UNC79: variants seen among roughly 807,000 people sequenced by gnomAD.
The protein encoded by UNC79 is protein unc-79 homolog.
A neutral mutation model predicts 283.1 loss-of-function variants in UNC79; 37 were observed. That is an observed-to-expected ratio of 0.13 (90% confidence interval 0.10 to 0.17). UNC79 has a LOEUF of 0.17. UNC79 is among the 10% of genes least tolerant of loss of function. UNC79 has a pLI of 1.00. For synonymous variants in UNC79, 1,107 were observed against 1,200.2 expected, an observed-to-expected ratio of 0.92 and a Z score of 1.61; for missense variants, 2,272 against 3,211.1, an observed-to-expected ratio of 0.71 and a Z score of 7.07.
At chr14:93,534,168 G>C (rs951978600) in intron 11 of UNC79, among the ~76,000 whole-genome samples, 6 of 152,188 alleles carry the variant, frequency 3.9e-5, no homozygotes, top group Admixed American at 2.0e-4. Context: ...CAGTTCCTCT[G>C]TCTCCAGGAA....
intron 42 of UNC79, among the ~76,000 whole-genome samples, 178 bp from the exon 46 acceptor site, chr14:93,686,394 A>G (rs547567176): frequency 6.6e-6 from 1 of 152,298 alleles, no homozygotes; most frequent in African/African-American, 2.4e-5. Context: ...CAAACCTTCT[A>G]TCAATTTTTG....
rs150574958 is a variant in UNC79 at position 93,470,211 on chromosome 14, G to A, written c.143+2420G>A. 5.7e-3 allele frequency among the ~76,000 whole-genome samples: 861 copies of A among 152,200 alleles called. 4 individuals are homozygous for A. Among genetic ancestry groups the A allele is most frequent in the Non-Finnish European group, 9.6e-3 (655 of 68,012 alleles). On this transcript the variant is annotated intron_variant, in intron 2 of 48. Transcript: ENST00000555664. ...TTAAAATATGCAACTTGAAATTTCAGCAGCTTCACTTGAGTCAGGGTTGCA... is the reference window on the plus strand; with the variant it reads ...TTAAAATATGCAACTTGAAATTTCAACAGCTTCACTTGAGTCAGGGTTGCA...
chr14:93,647,470 A>T (rs533138877), intron 35 of UNC79, among the ~76,000 whole-genome samples: 11 of 152,354 alleles, frequency 7.2e-5, no homozygotes, highest in African/African-American at 2.6e-4. Context: ...CAAAACATGA[A>T]TAAAGTGAGA....
At chr14:93,677,407 T>A (rs1270819314) in intron 41 of UNC79, among the ~76,000 whole-genome samples, 1 of 152,212 alleles carries the variant, frequency 6.6e-6, no homozygotes, top group Non-Finnish European at 1.5e-5. Flanking sequence ...AGCAAATTCA[T>A]GTCTTACATG....
At chr14:93,353,721 G>A (rs936856159) in intron 1 of UNC79, among the ~76,000 whole-genome samples, 3 of 152,178 alleles carry the variant, frequency 2.0e-5, no homozygotes, top group African/African-American at 7.2e-5. Flanking sequence ...TTCTTCCTGT[G>A]CATTGAGTGA....
intron 47 of UNC79, among the ~76,000 whole-genome samples, chr14:93,704,248 G>C (rs2075722299): frequency 6.6e-6 from 1 of 152,254 alleles, no homozygotes; most frequent in Admixed American, 6.5e-5. Flanking sequence ...CAGGCAAATA[G>C]AGTCGCCATT....
At chr14:93,651,261 A>G (rs769326832) in intron 35 of UNC79, among the ~76,000 whole-genome samples, 2 of 152,154 alleles carry the variant, frequency 1.3e-5, no homozygotes, top group African/African-American at 4.8e-5. Context: ...ATTGGTTTGG[A>G]TCTCTACATT....
intron 7 of UNC79, among the ~76,000 whole-genome samples, chr14:93,514,379 G>C (rs1221574183): frequency 6.6e-6 from 1 of 152,176 alleles, no homozygotes; most frequent in Admixed American, 6.5e-5. Context: ...TGACCTATCT[G>C]TTACAAACTA....
intron 14 of UNC79, among the ~76,000 whole-genome samples, chr14:93,560,230 C>T (rs988091354): frequency 1.3e-5 from 2 of 152,134 alleles, no homozygotes; most frequent in Admixed American, 6.5e-5. Flanking sequence ...GGGGGTTCAG[C>T]GTAATTACTT....
chr14:93,613,578 C>T (rs1389511717), intron 27 of UNC79, among the ~76,000 whole-genome samples: 1 of 151,998 alleles, frequency 6.6e-6, no homozygotes, highest in Non-Finnish European at 1.5e-5. Flanking sequence ...CCATGCCCAG[C>T]TAATTTTTTA....
At chr14:93,382,542 C>T (rs527839500) in intron 1 of UNC79, among the ~76,000 whole-genome samples, 1 of 152,252 alleles carries the variant, frequency 6.6e-6, no homozygotes, top group African/African-American at 2.4e-5. Flanking sequence ...GCATGCCAAT[C>T]GTTAATAGTT....
intron 1 of UNC79, among the ~76,000 whole-genome samples, chr14:93,465,118 C>CT (rs988790884): frequency 1.3e-4 from 20 of 151,938 alleles, no homozygotes; most frequent in African/African-American, 2.2e-4. Flanking sequence ...TTCTTTCTTC[C>CT]TTTTTTTTCT....
At chr14:93,521,058 T>C (rs1226353175) in intron 7 of UNC79, among the ~76,000 whole-genome samples, 1 of 152,058 alleles carries the variant, frequency 6.6e-6, no homozygotes, top group African/African-American at 2.4e-5. Context: ...ATCAAGCTAC[T>C]TGTGGATTAG....
intron 1 of UNC79, chr14:93,347,369 CG>C: frequency 6.4e-7 from 1 of 1,566,290 alleles, no homozygotes; most frequent in Non-Finnish European, 8.6e-7. Context: ...TCGGGGCCCC[CG>C]CGCCAGCGGC....
chr14:93,519,881 G>A (rs1313247764), intron 7 of UNC79, among the ~76,000 whole-genome samples: 1 of 150,926 alleles, frequency 6.6e-6, no homozygotes, highest in African/African-American at 2.4e-5. Context: ...TATATTATTA[G>A]CCTCTATTCA....
Position 93,361,211 on chromosome 14 carries a change from CAAAAAAAA to C in UNC79, c.-351+27706_-351+27713del, listed in dbSNP as rs58267219. Among the ~76,000 whole-genome samples, 586 of 54,388 alleles carry C rather than the reference CAAAAAAAA, an allele frequency of 0.011. 3 individuals are homozygous for C. In the Middle Eastern group the frequency reaches 0.2, roughly 18 times the overall value. The allele number at this position is 54,388 out of a possible 152,430, so 35.7% of individuals were successfully genotyped here. A position where few individuals can be genotyped will look rare whatever the true frequency, so the allele number is the denominator to read the frequency against. On this transcript the variant is annotated intron_variant, in intron 1 of 49. Transcript: ENST00000256339. ...TGGGTGACAGAGCAAGACTCTGTCTCAAAAAAAAAAAAAAAAAAAAAAAAAGAAAAGAA... is the reference window on the plus strand; with the variant it reads ...TGGGTGACAGAGCAAGACTCTGTCTCAAAAAAAAAAAAAAAAAGAAAAGAA...
At chr14:93,489,761 A>T (rs1476334591) in intron 5 of UNC79, among the ~76,000 whole-genome samples, 2 of 152,096 alleles carry the variant, frequency 1.3e-5, no homozygotes, top group Non-Finnish European at 2.9e-5. Context: ...GGCCCCCAAG[A>T]CCCTGCCCCT....
At chr14:93,683,722 G>A (rs1285434612) in intron 42 of UNC79, among the ~76,000 whole-genome samples, 1 of 151,728 alleles carries the variant, frequency 6.6e-6, no homozygotes, top group African/African-American at 2.4e-5. Flanking sequence ...TGACCAATAA[G>A]CCATTAAAAA....
chr14:93,353,915 A>C (rs1204890433), intron 1 of UNC79, among the ~76,000 whole-genome samples: 1 of 152,200 alleles, frequency 6.6e-6, no homozygotes, highest in African/African-American at 2.4e-5. Context: ...CTTGCCCTAG[A>C]AGAGGAGATA....
Sources: gnomAD v4.1 joint callset for allele counts (sites outside exome capture counted in the v4.1 genomes callset) on GRCh38, gnomAD v4.1.1 for gene constraint, MANE v1.5 for transcripts, NCBI Gene and HGNC (gene_info 2026-07-23, HGNC 2026-07-21) for gene names.